The following ELF2 variants were observed in gnomAD, a reference collection of about 807,000 sequenced individuals.
ELF2 encodes ETS-related transcription factor Elf-2.
ELF2 carries 11 observed loss-of-function variants against 54.8 expected under a neutral mutation model. The ratio of observed to expected loss-of-function variants is 0.20; its 90% CI spans 0.13 to 0.33. ELF2 has a LOEUF of 0.33. Ranked by LOEUF, ELF2 falls within the 10% of genes least tolerant of loss-of-function variation. The probability of loss-of-function intolerance (pLI) is 1.00; values close to 1 mark genes in which losing one functional copy is unlikely to be tolerated. For synonymous variants in ELF2, 203 were observed against 245.1 expected, an observed-to-expected ratio of 0.83 and a Z score of 1.61; for missense variants, 513 against 703.0, an observed-to-expected ratio of 0.73 and a Z score of 3.06.
chr4:139,112,704 T>G (rs1735079523), intron 4 of ELF2, among the ~76,000 whole-genome samples: 1 of 152,086 alleles, frequency 6.6e-6, no homozygotes, highest in Non-Finnish European at 1.5e-5. Context: ...TAGCAAAAAT[T>G]TTTTTTTAAT....
chr4:139,085,438 G>A (rs557785021), intron 4 of ELF2, among the ~76,000 whole-genome samples: 1 of 152,316 alleles, frequency 6.6e-6, no homozygotes, highest in East Asian at 1.9e-4. Context: ...CAATTTTTAT[G>A]ATCCGAATTG....
intron 6 of ELF2, among the ~76,000 whole-genome samples, chr4:139,068,879 C>T (rs943022000): frequency 4.6e-5 from 7 of 151,750 alleles, no homozygotes; most frequent in South Asian, 2.1e-4. Context: ...TAAATACATA[C>T]ACTTTTTTTT....
chr4:139,164,778 T>C (rs1235377951), intron 1 of ELF2, among the ~76,000 whole-genome samples: 1 of 152,266 alleles, frequency 6.6e-6, no homozygotes, highest in Non-Finnish European at 1.5e-5. Context: ...TTAAACATCT[T>C]CTGAACTGCA....
At chr4:139,149,935 C>A (rs918362729) in intron 1 of ELF2, among the ~76,000 whole-genome samples, 2 of 152,112 alleles carry the variant, frequency 1.3e-5, no homozygotes, top group African/African-American at 2.4e-5. Flanking sequence ...TAGCTCACAC[C>A]TCTAGTCACA....
intron 1 of ELF2, among the ~76,000 whole-genome samples, chr4:139,151,664 T>C (rs1740015199): frequency 6.6e-6 from 1 of 152,208 alleles, no homozygotes; most frequent in African/African-American, 2.4e-5. Flanking sequence ...AAGTACCTAA[T>C]TTTATATAAC....
intron 1 of ELF2, among the ~76,000 whole-genome samples, chr4:139,164,078 AAGAG>A (rs1741453234): frequency 6.8e-6 from 1 of 147,344 alleles, no homozygotes; most frequent in Non-Finnish European, 1.5e-5. Context: ...GTGAGAGAGA[AAGAG>A]GGAGGGAGAG....
chr4:139,153,940 C>T (rs1014538577), intron 1 of ELF2, among the ~76,000 whole-genome samples: 6 of 152,188 alleles, frequency 3.9e-5, no homozygotes, highest in African/African-American at 1.4e-4. Flanking sequence ...CTCTCCCCCT[C>T]TTTATTTTTT....
At position 139,073,589 on chromosome 4, in the gene ELF2, C is replaced by T. The variant is rs148420087; in HGVS notation, c.239-22G>A. ...TCCACTGGAGGAAAAATAAGTTCTA[C>T]TCAATTAAAAATACACTAAACACAT... is the stretch of plus-strand genomic sequence containing the variant. On this transcript the variant is annotated intron_variant, in intron 4 of 9. Coordinates refer to ENST00000686138, the MANE Select transcript of ELF2 (RefSeq NM_001331036.3). 5.3e-5 allele frequency: 77 copies of T among 1,451,222 alleles called. No individual in the cohort carries two copies. In the African/African-American group the frequency reaches 9.0e-4, roughly 17 times the overall value. 89.9% of individuals were successfully genotyped at this position (1,451,222 alleles called of 1,614,324 possible).
chr4:139,074,401 ATGAC>A (rs1316074098), intron 4 of ELF2, among the ~76,000 whole-genome samples: 2 of 152,164 alleles, frequency 1.3e-5, no homozygotes, highest in Non-Finnish European at 2.9e-5. Flanking sequence ...ACCCTCTTGA[ATGAC>A]TGAGTAGAGT....
chr4:139,062,116 A>G (rs1269861157), intron 7 of ELF2, 59 bp from the exon 8 acceptor site: 1 of 1,472,044 alleles, frequency 6.8e-7, no homozygotes, highest in East Asian at 2.4e-5. Flanking sequence ...ATACATAATT[A>G]AAAGCAAATA....
chr4:139,072,118 G>C (rs1012707990), intron 5 of ELF2, 79 bp from the exon 6 acceptor site: 6 of 1,389,442 alleles, frequency 4.3e-6, no homozygotes, highest in Admixed American at 2.4e-5. Flanking sequence ...ATTTAGAAGA[G>C]GCGAGGTGTG....
At chr4:139,138,785 C>T (rs1324028199) in intron 2 of ELF2, among the ~76,000 whole-genome samples, 2 of 152,092 alleles carry the variant, frequency 1.3e-5, no homozygotes, top group Non-Finnish European at 2.9e-5. Context: ...CTTGGAATGC[C>T]TTCAATATTA....
chr4:139,158,252 T>C (rs956635938), intron 1 of ELF2, among the ~76,000 whole-genome samples: 1 of 152,202 alleles, frequency 6.6e-6, no homozygotes. Context: ...TGTCATCGAT[T>C]AAGGCAGGAA....
intron 3 of ELF2, among the ~76,000 whole-genome samples, chr4:139,136,030 T>A (rs1738115994): frequency 6.6e-6 from 1 of 152,212 alleles, no homozygotes; most frequent in African/African-American, 2.4e-5. Flanking sequence ...TTGTTTTTGG[T>A]GGCTCCCCTC....
At chr4:139,141,648 T>C (rs557807664) in intron 1 of ELF2, among the ~76,000 whole-genome samples, 1 of 152,266 alleles carries the variant, frequency 6.6e-6, no homozygotes, top group South Asian at 2.1e-4. Flanking sequence ...CTTCACTCTA[T>C]GGGTAGGGTT....
chr4:139,073,322 T>C (rs183887785), intron 5 of ELF2, 132 bp downstream of exon 5: 51 of 468,848 alleles, frequency 1.1e-4, no homozygotes, highest in African/African-American at 8.8e-4. Flanking sequence ...CAATTACTGC[T>C]GTCATGTATT....
rs78007039 is a variant in ELF2, at chr4:139,163,854, C to T, written c.-252+13113G>A. Reference sequence around the variant, plus strand: ...ACTTGAGCCCGCCAAGTTAAGCCTACAGTGAGGTATGATCGCAGTGGAGAC... The same window carrying T: ...ACTTGAGCCCGCCAAGTTAAGCCTATAGTGAGGTATGATCGCAGTGGAGAC... On this transcript the variant is annotated intron_variant, in intron 1 of 9. Transcript: ENST00000686138. Among the ~76,000 whole-genome samples the T allele has an allele frequency of 6.4e-3, 962 of 150,108 alleles. 14 individuals carry two copies. The highest frequency in any genetic ancestry group is 0.023 in the African/African-American group (928 of 40,710).
intron 1 of ELF2, among the ~76,000 whole-genome samples, chr4:139,169,366 A>G (rs1318582444): frequency 4.0e-5 from 6 of 149,060 alleles, no homozygotes; most frequent in Non-Finnish European, 7.4e-5. Flanking sequence ...AAAAAAAAAA[A>G]CTATCACAAA....
chr4:139,149,445 A>C (rs545377447), intron 1 of ELF2, among the ~76,000 whole-genome samples: 103 of 152,200 alleles, frequency 6.8e-4, no homozygotes, highest in African/African-American at 2.3e-3. Flanking sequence ...CCCCACCTCC[A>C]CTAAAAATAC....
Sources: gnomAD v4.1 joint callset for allele counts (sites outside exome capture counted in the v4.1 genomes callset) on GRCh38, gnomAD v4.1.1 for gene constraint, MANE v1.5 for transcripts, NCBI Gene and HGNC (gene_info 2026-07-23, HGNC 2026-07-21) for gene names.